The following KDM4B variants were observed in gnomAD, a reference collection of about 807,000 sequenced individuals.
The protein encoded by KDM4B is lysine demethylase 4B, also known as lysine-specific demethylase 4B.
Under a neutral mutation model 125.2 loss-of-function variants are expected in KDM4B, and 32 were observed. The observed-to-expected ratio is 0.26, with a 90% CI of 0.19 to 0.34. The LOEUF is 0.34. KDM4B is among the 10% of genes least tolerant of loss of function. The pLI is 1.00. For missense variants in KDM4B, 1,190 were observed against 1,577.7 expected, an observed-to-expected ratio of 0.75 and a Z score of 4.16; for synonymous variants, 721 against 677.9, an observed-to-expected ratio of 1.06 and a Z score of -0.99.
intron 14 of KDM4B, among the ~76,000 whole-genome samples, chr19:5,134,410 G>A (rs2039612397): frequency 6.6e-6 from 1 of 152,192 alleles, no homozygotes; most frequent in Non-Finnish European, 1.5e-5. Context: ...TACACCACCT[G>A]GGTGGCCGGG....
chr19:5,084,881 C>G (rs796894658), intron 9 of KDM4B, among the ~76,000 whole-genome samples: 3 of 151,738 alleles, frequency 2.0e-5, no homozygotes, highest in East Asian at 1.9e-4. Flanking sequence ...CCCGGCCCAC[C>G]CTTTTATAGA....
At position 5,093,064 on chromosome 19, in the gene KDM4B, C is replaced by A. The variant is rs147485665; in HGVS notation, c.918+10560C>A. Among the ~76,000 whole-genome samples, 135 of 152,290 alleles carry A rather than the reference C, an allele frequency of 8.9e-4. 1 individual carries two copies. The highest frequency in any genetic ancestry group is 1.4e-3 in the Non-Finnish European group (94 of 67,996). On this transcript the variant is annotated intron_variant, in intron 9 of 22. Transcript: ENST00000159111. Reference sequence around the variant, plus strand: ...CCTAGTGCTCTGCCTCAGTTTCCCTCCTAGGGCTGTTGGAAGTGACATGGA... The same window carrying A: ...CCTAGTGCTCTGCCTCAGTTTCCCTACTAGGGCTGTTGGAAGTGACATGGA...
intron 1 of KDM4B, among the ~76,000 whole-genome samples, chr19:5,001,679 C>G (rs555184467): frequency 6.6e-6 from 1 of 150,412 alleles, no homozygotes; most frequent in Non-Finnish European, 1.5e-5. Flanking sequence ...AAGTCCTGTT[C>G]CGCCAGCTGT....
Position 5,135,433 on chromosome 19 carries a change from T to C in KDM4B, c.2180T>C (p.Leu727Pro). 1 of 1,613,568 alleles carries C rather than the reference T, an allele frequency of 6.2e-7. No homozygotes were observed. Among genetic ancestry groups the C allele is most frequent in the Non-Finnish European group, 8.5e-7 (1 of 1,179,982 alleles). Residue 727 changes from leucine to proline, a missense_variant, in exon 15 of 23, where the codon CTC (leucine) becomes CCC (proline). Leu to Pro is a moderately conservative substitution (Grantham distance 98, BLOSUM62 -3). This residue lies in a region of KDM4B where 128 missense variants were observed against 137.8 expected (regional missense o/e 0.93). Coordinates refer to ENST00000159111, the MANE Select transcript of KDM4B (RefSeq NM_015015.3). ...AAAAGCCGTCAGAAGACCCGACCGCTCATCCCTGAGATGTGCTTCACCTCT... is the reference window on the plus strand; with the variant it reads ...AAAAGCCGTCAGAAGACCCGACCGCCCATCCCTGAGATGTGCTTCACCTCT... ...PSKSRQKTRP[L>P]IPEMCFTSGG... is the part of the protein sequence containing the mutation.
chr19:5,048,334 G>C (rs890039013), intron 6 of KDM4B, among the ~76,000 whole-genome samples: 1 of 151,628 alleles, frequency 6.6e-6, no homozygotes, highest in Non-Finnish European at 1.5e-5. Flanking sequence ...GTGCGCACGT[G>C]AGTGAGTGTG....
At chr19:5,119,160 G>A in intron 10 of KDM4B, 1 of 1,535,128 alleles carries the variant, frequency 6.5e-7, no homozygotes, top group Non-Finnish European at 8.7e-7. Flanking sequence ...GAAAGACTGA[G>A]GAGGAGAGGA....
At chr19:5,070,712 C>G (rs2037918961) in intron 6 of KDM4B, 1 of 325,416 alleles carries the variant, frequency 3.1e-6, no homozygotes. Flanking sequence ...TCAGCCTCCT[C>G]GAGGTGGAGT....
chr19:5,016,557 C>T (rs1037196069), intron 2 of KDM4B, among the ~76,000 whole-genome samples: 5 of 152,256 alleles, frequency 3.3e-5, no homozygotes, highest in Non-Finnish European at 7.3e-5. Context: ...CTGCTTTGGG[C>T]TTGCATCTCG....
intron 7 of KDM4B, 95 bp downstream of exon 7, chr19:5,071,154 C>A (rs371742458): frequency 1.4e-5 from 17 of 1,216,466 alleles, no homozygotes; most frequent in Non-Finnish European, 1.2e-5. Flanking sequence ...GGCTCTGCTG[C>A]GGTCTGGGTT....
At chr19:5,086,908 G>A (rs556370010) in intron 9 of KDM4B, among the ~76,000 whole-genome samples, 1 of 152,232 alleles carries the variant, frequency 6.6e-6, no homozygotes, top group Non-Finnish European at 1.5e-5. Flanking sequence ...GCTCTCCAAG[G>A]TTCCCCCGGC....
intron 9 of KDM4B, among the ~76,000 whole-genome samples, chr19:5,084,730 C>G (rs1029542093): frequency 2.0e-5 from 3 of 150,730 alleles, no homozygotes; most frequent in Non-Finnish European, 4.4e-5. Context: ...GGGAGGATCT[C>G]TTGAGCCCAG....
In KDM4B at chr19:5,114,017, G is replaced by T. The variant is rs1025349126; in HGVS notation, c.1115+3199G>T. On this transcript the variant is annotated intron_variant, in intron 10 of 22. Transcript: ENST00000159111. This position sits in a 1 kb window ranked among gnomAD's most constrained non-coding sequence, Gnocchi z 5.8. Reference sequence around the variant, plus strand: ...GTTGAGCGAGCGTTGGGGGCTGTTTGTATTCTTCCCCCTGATGGATGGGTC... The same window carrying T: ...GTTGAGCGAGCGTTGGGGGCTGTTTTTATTCTTCCCCCTGATGGATGGGTC... The T allele has an allele frequency of 1.6e-6, 2 of 1,277,932 alleles. No individual in the cohort carries two copies. Among genetic ancestry groups the T allele is most frequent in the Non-Finnish European group, 2.0e-6 (2 of 982,612 alleles). The allele number at this position is 1,277,932 out of a possible 1,614,324, so 79.2% of individuals were successfully genotyped here. A position where few individuals can be genotyped will look rare whatever the true frequency, so the allele number is the denominator to read the frequency against.
chr19:5,118,398 C>A (rs1421343112), intron 10 of KDM4B, among the ~76,000 whole-genome samples: 1 of 152,174 alleles, frequency 6.6e-6, no homozygotes, highest in Non-Finnish European at 1.5e-5. Flanking sequence ...GGAGAAAGGC[C>A]ACTGGGGAGC....
intron 1 of KDM4B, among the ~76,000 whole-genome samples, chr19:4,975,875 G>C (rs1315461001): frequency 2.0e-5 from 3 of 151,266 alleles, no homozygotes; most frequent in Admixed American, 6.6e-5. Context: ...TTACAGGCGT[G>C]ACCCACCGTG....
intron 1 of KDM4B, among the ~76,000 whole-genome samples, chr19:4,980,483 G>C (rs1398833316): frequency 2.0e-5 from 3 of 147,330 alleles, no homozygotes. Flanking sequence ...GAGTGCAGTG[G>C]CATGATCTCA....
chr19:5,104,201 C>T (rs1018235122), intron 9 of KDM4B, among the ~76,000 whole-genome samples: 3 of 152,152 alleles, frequency 2.0e-5, no homozygotes, highest in Non-Finnish European at 2.9e-5. Flanking sequence ...AGCAGCAGGA[C>T]GAGCAGGCGT....
At position 5,082,593 on chromosome 19, in the gene KDM4B, G is replaced by C; in HGVS notation, c.918+89G>C. On this transcript the variant is annotated intron_variant, in intron 9 of 22. Transcript: ENST00000159111. This position sits in a 1 kb window ranked among gnomAD's most constrained non-coding sequence, Gnocchi z 5.4. ...CAGCCACACGCCCATAGCTGGTCCA[G>C]CAGCCGTTTCGCTCAGCCCAGGGCC... 7.0e-7 allele frequency: 1 copy of C among 1,425,276 alleles called. No homozygotes were observed. Among genetic ancestry groups the C allele is most frequent in the African/African-American group, 1.4e-5 (1 of 69,500 alleles). 88.3% of individuals were successfully genotyped at this position (1,425,276 alleles called of 1,614,324 possible). A position where few individuals can be genotyped will look rare whatever the true frequency, so the allele number is the denominator to read the frequency against.
chr19:5,101,645 G>A (rs2038936462), intron 9 of KDM4B, among the ~76,000 whole-genome samples: 1 of 151,692 alleles, frequency 6.6e-6, no homozygotes, highest in African/African-American at 2.4e-5. Flanking sequence ...TTTACCCGGG[G>A]AGGTCTGGGT....
intron 16 of KDM4B, 68 bp from the exon 17 acceptor site, chr19:5,137,553 A>G (rs2039670602): frequency 6.8e-7 from 1 of 1,474,970 alleles, no homozygotes; most frequent in Non-Finnish European, 9.3e-7. Flanking sequence ...TTGGCAGATC[A>G]GGCCCCAAGC....
Sources: allele counts gnomAD v4.1 joint callset (sites outside exome capture counted in the v4.1 genomes callset), GRCh38; gene constraint gnomAD v4.1.1; regional missense constraint gnomAD v4.1.1; non-coding constraint Gnocchi (gnomAD v3.1); transcripts MANE v1.5; gene names NCBI Gene and HGNC (gene_info 2026-07-23, HGNC 2026-07-21).